The following RARA variants were observed in gnomAD, a reference collection of about 807,000 sequenced individuals.
RARA encodes retinoic acid receptor alpha.
RARA carries 5 observed loss-of-function variants against 42.8 expected under a neutral mutation model. That is an observed-to-expected ratio of 0.12 (90% CI 0.06 to 0.25). RARA has a LOEUF of 0.25. Ranked by LOEUF, RARA falls within the 10% of genes least tolerant of loss-of-function variation. The pLI is 1.00. For synonymous variants in RARA, 256 were observed against 259.5 expected, an observed-to-expected ratio of 0.99 and a Z score of 0.13; for missense variants, 402 against 628.7, an observed-to-expected ratio of 0.64 and a Z score of 3.86.
intron 1 of RARA, among the ~76,000 whole-genome samples, chr17:40,316,928 T>G (rs2033227204): frequency 6.6e-6 from 1 of 152,180 alleles, no homozygotes; most frequent in Non-Finnish European, 1.5e-5. Flanking sequence ...CCAGCACTGC[T>G]GGGGCAGTTT....
In RARA at chr17:40,356,675, C is replaced by CG. The variant is rs770479738; in HGVS notation, c.*455dup. 4.1e-5 allele frequency: 19 copies of CG among 459,806 alleles called. No individual in the cohort carries two copies. Among genetic ancestry groups the CG allele is most frequent in the South Asian group, 1.3e-4 (8 of 62,776 alleles). The allele number at this position is 459,806 out of a possible 1,614,324, so 28.5% of individuals were successfully genotyped here. A position where few individuals can be genotyped will look rare whatever the true frequency, so the allele number is the denominator to read the frequency against. On this transcript the variant is annotated 3_prime_UTR_variant, in exon 9 of 9. Coordinates refer to ENST00000254066, the MANE Select transcript of RARA (RefSeq NM_000964.4). ...GGTGACAGAGGGGGTGGGACAGGGG[C>CG]GGGGGGTTCCCCCTGTACATACCCT...
intron 1 of RARA, among the ~76,000 whole-genome samples, chr17:40,310,981 C>G (rs2033083778): frequency 6.6e-6 from 1 of 152,134 alleles, no homozygotes; most frequent in South Asian, 2.1e-4. Context: ...TCCCCTAATG[C>G]AGGTTGTAGC....
intron 1 of RARA, among the ~76,000 whole-genome samples, chr17:40,314,173 C>CG (rs2033146905): frequency 3.4e-4 from 2 of 5,850 alleles, no homozygotes; most frequent in African/African-American, 1.3e-3. Flanking sequence ...AGGGATATGG[C>CG]GGGTGGAGGG....
At chr17:40,321,331 C>T (rs570730894) in intron 1 of RARA, among the ~76,000 whole-genome samples, 2 of 152,042 alleles carry the variant, frequency 1.3e-5, no homozygotes, top group South Asian at 4.2e-4. Context: ...GCTCCAGTCC[C>T]GCCCTCCCCT....
chr17:40,331,251 T>C lies in RARA; in HGVS notation c.33T>C (p.Pro11=). The C allele has an allele frequency of 6.2e-7, 1 of 1,613,284 alleles. No individual in the cohort carries two copies. The highest frequency in any genetic ancestry group is 8.5e-7 in the Non-Finnish European group (1 of 1,179,820). ...GCAACAGCAGCTCCTGCCCGACACC[T>C]GGGGGCGGGCACCTCAATGGGTACC... MASNSSSCPT[P]GGGHLNGYPV... Residue 11 remains proline (P), a synonymous_variant, in exon 2 of 9, where the codon CCT becomes CCC. Coordinates refer to ENST00000254066, the MANE Select transcript of RARA (RefSeq NM_000964.4).
intron 2 of RARA, chr17:40,341,328 G>T (rs775017481): frequency 2.1e-6 from 3 of 1,405,682 alleles, no homozygotes; most frequent in South Asian, 1.6e-5. Context: ...GGCCCCCTCT[G>T]CCTGTGTTTG....
At position 40,345,672 on chromosome 17, in the gene RARA, C is replaced by T. The variant is rs983334158; in HGVS notation, c.179-2644C>T. On this transcript the variant is annotated intron_variant, in intron 2 of 8. Coordinates refer to ENST00000254066, the MANE Select transcript of RARA (RefSeq NM_000964.4). The surrounding 1 kb of genome is among the most constrained non-coding windows in gnomAD (Gnocchi z 4.8). ...GTGTGGTCCTTCTCTAGCCCGAGTC[C>T]TTCTGCAGGAAGAGGAGAGATTGGT... 6.6e-6 allele frequency among the ~76,000 whole-genome samples: 1 copy of T among 152,232 alleles called. No homozygotes were observed. The highest frequency in any genetic ancestry group is 1.5e-5 in the Non-Finnish European group (1 of 68,036).
At chr17:40,341,873 C>A in intron 2 of RARA, 1 of 1,025,262 alleles carries the variant, frequency 9.8e-7, no homozygotes, top group Non-Finnish European at 1.3e-6. Flanking sequence ...TCCTTGTCCC[C>A]TCGCAGCCCC....
intron 1 of RARA, among the ~76,000 whole-genome samples, chr17:40,321,027 T>G (rs1300231767): frequency 1.3e-5 from 2 of 152,250 alleles, no homozygotes; most frequent in East Asian, 3.9e-4. Flanking sequence ...CTCTGACGCC[T>G]GCTGTCTTTC....
chr17:40,323,794 T>C (rs1393100928), intron 1 of RARA, among the ~76,000 whole-genome samples: 2 of 112,786 alleles, frequency 1.8e-5, no homozygotes, highest in African/African-American at 7.0e-5. Context: ...TCAGGCCTGG[T>C]CTGGGGTCAG....
chr17:40,342,125 A>C, intron 2 of RARA: 1 of 412,210 alleles, frequency 2.4e-6, no homozygotes, highest in Non-Finnish European at 3.0e-6. Flanking sequence ...TGGTGCCCGG[A>C]GGGGAGGGGG....
At chr17:40,312,644 C>T (rs1257005658) in intron 1 of RARA, among the ~76,000 whole-genome samples, 3 of 152,138 alleles carry the variant, frequency 2.0e-5, no homozygotes, top group Non-Finnish European at 4.4e-5. Context: ...GGAGCAGGGG[C>T]AGGACCTTAC....
At chr17:40,340,723 G>C (rs2034007700) in intron 2 of RARA, 2 of 397,894 alleles carry the variant, frequency 5.0e-6, no homozygotes, top group Admixed American at 4.4e-5. Context: ...AATTGTGTGT[G>C]CATACAGTGA....
chr17:40,315,301 C>T (rs1048597765), intron 1 of RARA, among the ~76,000 whole-genome samples: 1 of 151,612 alleles, frequency 6.6e-6, no homozygotes, highest in Non-Finnish European at 1.5e-5. Flanking sequence ...CCATCTTGGC[C>T]TCCCAAAGTG....
rs1035760102 is a variant in RARA at position 40,352,556 on chromosome 17, A to G, written c.807+49A>G. 1.4e-6 allele frequency: 2 copies of G among 1,452,626 alleles called. No individual in the cohort carries two copies. The highest frequency in any genetic ancestry group is 2.2e-5 in the Admixed American group (1 of 44,624). The allele number at this position is 1,452,626 out of a possible 1,614,324, so 90.0% of individuals were successfully genotyped here. A position where few individuals can be genotyped will look rare whatever the true frequency, so the allele number is the denominator to read the frequency against. ...CAGGCACTGCCCCTGTGTCCTGGGT[A>G]GATGTCCTTCCAGCCAGACAGCCAC... is the stretch of plus-strand genomic sequence containing the variant. On this transcript the variant is annotated intron_variant, in intron 6 of 8. Coordinates refer to ENST00000254066, the MANE Select transcript of RARA (RefSeq NM_000964.4). The surrounding 1 kb of genome is among the most constrained non-coding windows in gnomAD (Gnocchi z 4.9).
At position 40,355,394 on chromosome 17, in the gene RARA, A is replaced by T; in HGVS notation, c.1144A>T (p.Thr382Ser). Residue 382 changes from threonine (T) to serine (S), a missense_variant, in exon 8 of 9, where the codon ACT becomes TCT. Physicochemically the swap from Thr to Ser is moderately conservative, Grantham distance 58 (BLOSUM62 1). This residue lies in a region of RARA where 104 missense variants were observed against 160.1 expected (regional missense o/e 0.65). Coordinates refer to ENST00000254066, the MANE Select transcript of RARA (RefSeq NM_000964.4). This position sits in a 1 kb window ranked among gnomAD's most constrained non-coding sequence, Gnocchi z 4.1. ...GTTCCCCAAGATGCTAATGAAGATT[A>T]CTGACCTGCGAAGCATCAGCGCCAA... Reference protein sequence around the residue: ...HMFPKMLMKITDLRSISAKGA... With the variant: ...HMFPKMLMKISDLRSISAKGA... 1 of 1,613,964 alleles carries T rather than the reference A, an allele frequency of 6.2e-7. No individual in the cohort carries two copies. Among genetic ancestry groups the T allele is most frequent in the Admixed American group, 1.7e-5 (1 of 60,002 alleles).
At chr17:40,342,037 T>C (rs1002644559) in intron 2 of RARA, 54 of 1,056,074 alleles carry the variant, frequency 5.1e-5, no homozygotes, top group Non-Finnish European at 6.0e-5. Context: ...CCTGCGTTTC[T>C]CCCGCTGCAG....
chr17:40,341,821 G>A, intron 2 of RARA: 3 of 1,161,014 alleles, frequency 2.6e-6, no homozygotes, highest in Non-Finnish European at 3.3e-6. Context: ...GGGAGCCTGG[G>A]AGCCGGAACT....
At position 40,357,243 on chromosome 17, in the gene RARA, G is replaced by T. The variant is rs1025287883; in HGVS notation, c.*1017G>T. ...TAGGCTCCCCAGCCCCCACTGTGAA[G>T]GGGCTGGCCAGGGGCCCGAGCTGCC... On this transcript the variant is annotated 3_prime_UTR_variant, in exon 9 of 9. Coordinates refer to ENST00000254066, the MANE Select transcript of RARA (RefSeq NM_000964.4). 4.2e-5 allele frequency: 10 copies of T among 237,728 alleles called. No individual in the cohort carries two copies. Among genetic ancestry groups the T allele is most frequent in the Admixed American group, 1.1e-4 (2 of 18,342 alleles). 14.7% of individuals were successfully genotyped at this position (237,728 alleles called of 1,614,324 possible). A position where few individuals can be genotyped will look rare whatever the true frequency, so the allele number is the denominator to read the frequency against.
Sources: allele counts gnomAD v4.1 joint callset (sites outside exome capture counted in the v4.1 genomes callset), GRCh38; gene constraint gnomAD v4.1.1; regional missense constraint gnomAD v4.1.1; non-coding constraint Gnocchi (gnomAD v3.1); transcripts MANE v1.5; gene names NCBI Gene and HGNC (gene_info 2026-07-23, HGNC 2026-07-21).